Variants in TMEM117 observed in about 807,000 individuals in gnomAD.
The protein encoded by TMEM117 is transmembrane protein 117.
A neutral mutation model predicts 52.4 loss-of-function variants in TMEM117; 27 were observed. The observed-to-expected ratio is 0.51, with a 90% CI of 0.38 to 0.71. TMEM117 has a LOEUF of 0.71. Ranked by LOEUF, TMEM117 falls within the 30% of genes least tolerant of loss-of-function variation. TMEM117 has a pLI of 0.00. For missense variants in TMEM117, 556 were observed against 630.5 expected (o/e 0.88, Z 1.26); for synonymous variants, 215 against 206.3 (o/e 1.04, Z -0.36).
At chr12:44,383,735 G>A (rs956771405) in intron 7 of TMEM117, among the ~76,000 whole-genome samples, 1 of 151,962 alleles carries the variant, frequency 6.6e-6, no homozygotes, top group Non-Finnish European at 1.5e-5. Context: ...TTGGGAAAAT[G>A]GCTATAGAAG....
At chr12:44,303,806 T>C (rs1481678362) in intron 6 of TMEM117, among the ~76,000 whole-genome samples, 1 of 152,188 alleles carries the variant, frequency 6.6e-6, no homozygotes, top group Non-Finnish European at 1.5e-5. Context: ...AGGTAATGGA[T>C]ACCCTAAAAG....
the TMEM117 span, among the ~76,000 whole-genome samples, chr12:44,398,540 C>A: frequency 1.3e-5 from 2 of 152,222 alleles, no homozygotes; most frequent in Middle Eastern, 6.8e-3. Context: ...AGACAAGAGA[C>A]CAGGCTGTAT....
chr12:44,123,808 G>A (rs1179891851), intron 3 of TMEM117, among the ~76,000 whole-genome samples: 3 of 152,136 alleles, frequency 2.0e-5, no homozygotes, highest in African/African-American at 4.8e-5. Context: ...CTGTAGCCCT[G>A]TATTATAGTT....
chr12:43,891,924 A>G (rs1944113369), intron 2 of TMEM117, among the ~76,000 whole-genome samples: 1 of 151,616 alleles, frequency 6.6e-6, no homozygotes, highest in Non-Finnish European at 1.5e-5. Context: ...AAAAAAATCC[A>G]TTTTTTTTGC....
chr12:44,363,566 A>T (rs566615531), intron 6 of TMEM117, among the ~76,000 whole-genome samples: 1 of 152,310 alleles, frequency 6.6e-6, no homozygotes, highest in East Asian at 1.9e-4. Context: ...AAGAAAAATC[A>T]TTAATTATGA....
intron 3 of TMEM117, among the ~76,000 whole-genome samples, chr12:44,099,368 G>T (rs1339343726): frequency 1.3e-5 from 2 of 151,844 alleles, no homozygotes; most frequent in African/African-American, 2.4e-5. Flanking sequence ...TGCCCTAAAT[G>T]GTATGCCACA....
chr12:43,852,096 A>T (rs1352894300), intron 2 of TMEM117, among the ~76,000 whole-genome samples: 2 of 150,914 alleles, frequency 1.3e-5, no homozygotes, highest in East Asian at 3.9e-4. Flanking sequence ...CAAGAGATCA[A>T]GACCATCCTG....
chr12:44,104,783 G>A (rs1947923758), intron 3 of TMEM117, among the ~76,000 whole-genome samples: 1 of 151,892 alleles, frequency 6.6e-6, no homozygotes, highest in African/African-American at 2.4e-5. Flanking sequence ...TTCTCTCAAT[G>A]CTTTTAACAT....
chr12:44,005,169 A>G (rs1429838954), intron 3 of TMEM117, among the ~76,000 whole-genome samples: 1 of 152,238 alleles, frequency 6.6e-6, no homozygotes, highest in African/African-American at 2.4e-5. Context: ...TTTGTAAACA[A>G]GATTAGAACG....
At chr12:44,092,184 A>T (rs777046546) in intron 3 of TMEM117, among the ~76,000 whole-genome samples, 4 of 152,218 alleles carry the variant, frequency 2.6e-5, no homozygotes, top group Non-Finnish European at 5.9e-5. Context: ...ACACAGAGCT[A>T]AGTATAGAAA....
chr12:43,841,591 G>A (rs1032175545), intron 1 of TMEM117, among the ~76,000 whole-genome samples: 2 of 152,152 alleles, frequency 1.3e-5, no homozygotes, highest in Admixed American at 6.5e-5. Flanking sequence ...CATAGCCCAC[G>A]AAGCAAGTTT....
intron 5 of TMEM117, among the ~76,000 whole-genome samples, chr12:44,238,423 T>C (rs1358509257): frequency 6.6e-6 from 1 of 152,102 alleles, no homozygotes; most frequent in East Asian, 1.9e-4. Context: ...CTAATGTGTT[T>C]CATTTTTACT....
At chr12:44,130,161 G>A (rs553686034) in intron 3 of TMEM117, among the ~76,000 whole-genome samples, 4 of 152,206 alleles carry the variant, frequency 2.6e-5, no homozygotes, top group South Asian at 2.1e-4. Context: ...TATATTTTTG[G>A]TAATTTTTAA....
chr12:43,972,619 A>C (rs1262840059), intron 3 of TMEM117, among the ~76,000 whole-genome samples: 1 of 151,974 alleles, frequency 6.6e-6, no homozygotes, highest in African/African-American at 2.4e-5. Flanking sequence ...GGTCCATTTT[A>C]CAGTGTGCTG....
intron 2 of TMEM117, among the ~76,000 whole-genome samples, chr12:43,852,292 G>C (rs754713788): frequency 6.6e-6 from 1 of 152,090 alleles, no homozygotes; most frequent in African/African-American, 2.4e-5. Flanking sequence ...TTAGCCAGGC[G>C]TGTTGGTGGG....
chr12:44,068,075 T>C (rs1947248947), intron 3 of TMEM117, among the ~76,000 whole-genome samples: 1 of 152,218 alleles, frequency 6.6e-6, no homozygotes, highest in Admixed American at 6.5e-5. Flanking sequence ...CAACCTCTGC[T>C]AACTTCAGAC....
intron 3 of TMEM117, among the ~76,000 whole-genome samples, chr12:44,142,972 C>T (rs1948591499): frequency 6.6e-6 from 1 of 152,110 alleles, no homozygotes; most frequent in African/African-American, 2.4e-5. Context: ...ATTTATATTT[C>T]AGTAATAATT....
At chr12:44,276,299 A>G (rs530768571) in intron 5 of TMEM117, among the ~76,000 whole-genome samples, 25 of 152,318 alleles carry the variant, frequency 1.6e-4, no homozygotes, top group South Asian at 1.0e-3. Context: ...ATAGAATGGA[A>G]TAGTATTCAA....
intron 4 of TMEM117, among the ~76,000 whole-genome samples, chr12:44,166,604 G>T (rs993672580): frequency 6.6e-6 from 1 of 152,142 alleles, no homozygotes; most frequent in African/African-American, 2.4e-5. Flanking sequence ...CTGTTTCTAA[G>T]TGGACAAATA....
Sources: gnomAD v4.1 joint callset for allele counts (sites outside exome capture counted in the v4.1 genomes callset) on GRCh38, gnomAD v4.1.1 for gene constraint, MANE v1.5 for transcripts, NCBI Gene and HGNC (gene_info 2026-07-23, HGNC 2026-07-21) for gene names.